Variants in SGCZ observed in about 807,000 individuals in gnomAD.
SGCZ encodes sarcoglycan zeta, also known as zeta-sarcoglycan.
In SGCZ, 40 loss-of-function variants were observed where a neutral mutation model predicts 41.3. The observed-to-expected ratio is 0.97, with a 90% CI of 0.75 to 1.26. SGCZ has a LOEUF of 1.26. SGCZ is among the 50% of genes most tolerant of loss of function. SGCZ has a pLI of 0.00. For synonymous variants in SGCZ, 206 were observed against 137.5 expected (o/e 1.50, Z -3.49); for missense variants, 552 against 369.8 (o/e 1.49, Z -4.04).
At chr8:15,136,393 G>A (rs1808106065) in intron 1 of SGCZ, among the ~76,000 whole-genome samples, 1 of 151,884 alleles carries the variant, frequency 6.6e-6, no homozygotes, top group Non-Finnish European at 1.5e-5. Context: ...CAGCATACTT[G>A]ATAAGAGGCA....
At chr8:14,598,279 T>A (rs2117304586) in intron 1 of SGCZ, among the ~76,000 whole-genome samples, 1 of 152,026 alleles carries the variant, frequency 6.6e-6, no homozygotes, top group African/African-American at 2.4e-5. Flanking sequence ...ATCAATCTAA[T>A]TATATTTGAA....
intron 1 of SGCZ, among the ~76,000 whole-genome samples, chr8:14,615,729 G>C (rs139851553): frequency 1.6e-4 from 24 of 152,238 alleles, no homozygotes; most frequent in African/African-American, 5.8e-4. Flanking sequence ...ACAAGCTTGA[G>C]TACTGTTTCA....
chr8:14,375,248 GAATAATA>G (rs1804072492), intron 2 of SGCZ, among the ~76,000 whole-genome samples: 1 of 152,188 alleles, frequency 6.6e-6, no homozygotes. Context: ...GTTGTGCACT[GAATAATA>G]CGGTAGCTGT....
At chr8:14,312,361 T>A (rs1397946440) in intron 3 of SGCZ, among the ~76,000 whole-genome samples, 1 of 152,184 alleles carries the variant, frequency 6.6e-6, no homozygotes, top group Non-Finnish European at 1.5e-5. Context: ...CTCTTCATCG[T>A]GACTTAGAGG....
intron 1 of SGCZ, among the ~76,000 whole-genome samples, chr8:14,678,947 A>C (rs1808357656): frequency 6.6e-6 from 1 of 152,198 alleles, no homozygotes; most frequent in Admixed American, 6.5e-5. Flanking sequence ...TACATACTGT[A>C]AGATTCCAAA....
At chr8:14,361,631 C>T (rs915754922) in intron 2 of SGCZ, among the ~76,000 whole-genome samples, 1 of 152,122 alleles carries the variant, frequency 6.6e-6, no homozygotes, top group Admixed American at 6.6e-5. Context: ...GAACATGCTC[C>T]GTTAGCTCAG....
chr8:15,192,735 G>C (rs559896519), intron 1 of SGCZ, among the ~76,000 whole-genome samples: 1 of 152,032 alleles, frequency 6.6e-6, no homozygotes, highest in African/African-American at 2.4e-5. Context: ...CATTTCCACT[G>C]AAGTCTTCTG....
intron 2 of SGCZ, among the ~76,000 whole-genome samples, chr8:14,490,599 A>C (rs1801814898): frequency 1.3e-5 from 2 of 152,218 alleles, no homozygotes; most frequent in African/African-American, 4.8e-5. Context: ...TGATATTAAA[A>C]TTCATAGAAA....
At chr8:14,341,682 A>G (rs1478331091) in intron 2 of SGCZ, among the ~76,000 whole-genome samples, 1 of 152,130 alleles carries the variant, frequency 6.6e-6, no homozygotes. Flanking sequence ...ACCCAAGAGG[A>G]AGTAATTGAA....
intron 3 of SGCZ, among the ~76,000 whole-genome samples, chr8:14,255,477 A>T (rs7838797): frequency 0.58 from 88,801 of 152,008 alleles, 26,687 homozygotes; most frequent in South Asian, 0.75. Context: ...AAATTTCTTG[A>T]GGATTGAGGT....
intron 5 of SGCZ, among the ~76,000 whole-genome samples, chr8:14,160,869 A>C (rs1804024778): frequency 6.6e-6 from 1 of 152,224 alleles, no homozygotes; most frequent in Non-Finnish European, 1.5e-5. Context: ...ATACAGACAC[A>C]TCCCTTGTCT....
At chr8:14,652,346 A>AAG (rs201135943) in intron 1 of SGCZ, among the ~76,000 whole-genome samples, 35 of 50,724 alleles carry the variant, frequency 6.9e-4, no homozygotes, top group Middle Eastern at 0.012. Flanking sequence ...AAAAAAAAAA[A>AAG]GGGGGGGGTG....
At chr8:14,437,461 A>G (rs1296241391) in intron 2 of SGCZ, among the ~76,000 whole-genome samples, 1 of 152,174 alleles carries the variant, frequency 6.6e-6, no homozygotes, top group African/African-American at 2.4e-5. Flanking sequence ...AGCATACATT[A>G]AAGAAATCTG....
At chr8:14,244,815 T>C (rs1345954266) in intron 3 of SGCZ, among the ~76,000 whole-genome samples, 1 of 152,150 alleles carries the variant, frequency 6.6e-6, no homozygotes, top group African/African-American at 2.4e-5. Flanking sequence ...TCAAGTCCCA[T>C]GTAAGTTGGA....
intron 1 of SGCZ, among the ~76,000 whole-genome samples, chr8:14,950,137 T>G (rs1800585671): frequency 6.6e-6 from 1 of 152,070 alleles, no homozygotes; most frequent in African/African-American, 2.4e-5. Context: ...GGTAGTGTAT[T>G]TTCTTTTGCA....
At chr8:14,416,859 A>G (rs961670562) in intron 2 of SGCZ, among the ~76,000 whole-genome samples, 1 of 151,918 alleles carries the variant, frequency 6.6e-6, no homozygotes, top group Admixed American at 6.6e-5. Context: ...AATAATGAGT[A>G]TAAAAGTGCT....
intron 1 of SGCZ, among the ~76,000 whole-genome samples, chr8:15,077,492 T>C (rs983604768): frequency 6.6e-5 from 10 of 152,224 alleles, no homozygotes; most frequent in Non-Finnish European, 1.2e-4. Context: ...TAGTGTGTGT[T>C]CCACCATATG....
intron 1 of SGCZ, among the ~76,000 whole-genome samples, chr8:14,911,038 T>C (rs1799267112): frequency 1.3e-5 from 2 of 152,068 alleles, no homozygotes; most frequent in Admixed American, 6.5e-5. Context: ...TAATGTCATA[T>C]ATTAAAGGGA....
Position 14,882,737 on chromosome 8 carries a change from A to G in SGCZ, c.40-327811T>C, listed in dbSNP as rs191822668. 4.5e-3 allele frequency among the ~76,000 whole-genome samples: 686 copies of G among 151,818 alleles called. 5 individuals carry two copies. Among genetic ancestry groups the G allele is most frequent in the African/African-American group, 0.015 (620 of 41,440 alleles). On this transcript the variant is annotated intron_variant, in intron 1 of 7. Coordinates refer to ENST00000382080, the MANE Select transcript of SGCZ (RefSeq NM_139167.4). ...ACAACTCCTGGTAATACCTTCCTCA[A>G]TCTACCCTCTTTTTCTATTTTTCTA... is the stretch of plus-strand genomic sequence containing the variant.
Sources: gnomAD v4.1 joint callset for allele counts (sites outside exome capture counted in the v4.1 genomes callset) on GRCh38, gnomAD v4.1.1 for gene constraint, MANE v1.5 for transcripts, NCBI Gene and HGNC (gene_info 2026-07-23, HGNC 2026-07-21) for gene names.